GALNT3: variants seen among roughly 807,000 people sequenced by gnomAD.
GALNT3 encodes polypeptide N-acetylgalactosaminyltransferase 3.
GALNT3 carries 51 observed loss-of-function variants against 69.8 expected under a neutral mutation model. The observed-to-expected ratio is 0.73, with a 90% confidence interval of 0.58 to 0.92. The LOEUF is 0.92. GALNT3 is among the 40% of genes least tolerant of loss of function. GALNT3 has a pLI of 0.00. For synonymous variants in GALNT3, 265 were observed against 248.5 expected (o/e 1.07, Z -0.63); for missense variants, 711 against 760.0 (o/e 0.94, Z 0.76).
At chr2:165,762,616 C>T (rs114046620) in intron 3 of GALNT3, among the ~76,000 whole-genome samples, 243 of 152,212 alleles carry the variant, frequency 1.6e-3, no homozygotes, top group African/African-American at 5.5e-3. Flanking sequence ...GAAAAATTTG[C>T]GAAAGCTTTG....
At chr2:165,772,013 T>C (rs1428213122) in intron 1 of GALNT3, among the ~76,000 whole-genome samples, 1 of 152,162 alleles carries the variant, frequency 6.6e-6, no homozygotes, top group Non-Finnish European at 1.5e-5. Flanking sequence ...AATTCTGACA[T>C]ATATTGCTCA....
intron 3 of GALNT3, among the ~76,000 whole-genome samples, chr2:165,762,429 G>T (rs539555523): frequency 1.7e-4 from 26 of 152,258 alleles, no homozygotes; most frequent in Non-Finnish European, 3.7e-4. Context: ...TGGCCAAAAA[G>T]ATATTCAATG....
chr2:165,767,458 A>G (rs1688663816), intron 2 of GALNT3, among the ~76,000 whole-genome samples: 1 of 152,208 alleles, frequency 6.6e-6, no homozygotes, highest in African/African-American at 2.4e-5. Flanking sequence ...GTAAAATGTT[A>G]TCACTTTAAT....
At chr2:165,769,178 G>A (rs1688702457) in intron 2 of GALNT3, among the ~76,000 whole-genome samples, 6 of 146,748 alleles carry the variant, frequency 4.1e-5, no homozygotes, top group Admixed American at 3.4e-4. Context: ...GGCTGAGGTG[G>A]GCGGATCACT....
At chr2:165,778,295 A>G (rs1434148400) in intron 1 of GALNT3, among the ~76,000 whole-genome samples, 1 of 152,194 alleles carries the variant, frequency 6.6e-6, no homozygotes, top group East Asian at 1.9e-4. Context: ...GGATCCAGAG[A>G]TTATTCATGT....
At chr2:165,784,302 G>C (rs1683175785) in intron 1 of GALNT3, among the ~76,000 whole-genome samples, 1 of 152,210 alleles carries the variant, frequency 6.6e-6, no homozygotes. Flanking sequence ...GAGAACGGAA[G>C]TTTAGAATGA....
intron 1 of GALNT3, among the ~76,000 whole-genome samples, chr2:165,773,250 C>T (rs990335026): frequency 6.6e-6 from 1 of 152,138 alleles, no homozygotes; most frequent in African/African-American, 2.4e-5. Flanking sequence ...TTTTCATGGT[C>T]ATGGATAAGT....
chr2:165,769,407 AAATAATAATAATAATAAT>A (rs35161167), intron 2 of GALNT3, among the ~76,000 whole-genome samples: 7 of 131,394 alleles, frequency 5.3e-5, no homozygotes, highest in Non-Finnish European at 7.9e-5. Context: ...CTCCATCTCA[AAATAATAATAATAATAAT>A]AATAATAATA....
intron 1 of GALNT3, among the ~76,000 whole-genome samples, chr2:165,790,982 C>T (rs1216904857): frequency 6.6e-6 from 1 of 152,016 alleles, no homozygotes; most frequent in Non-Finnish European, 1.5e-5. Context: ...GAAGGTTTCT[C>T]CCTCAAAATT....
intron 1 of GALNT3, among the ~76,000 whole-genome samples, chr2:165,790,221 C>T (rs529729918): frequency 3.9e-4 from 60 of 152,182 alleles, no homozygotes; most frequent in African/African-American, 1.4e-3. Context: ...CTCTTTAGTG[C>T]CAAAAATAAG....
intron 5 of GALNT3, among the ~76,000 whole-genome samples, chr2:165,759,078 C>T (rs993763538): frequency 6.6e-6 from 1 of 152,138 alleles, no homozygotes. Flanking sequence ...ACTTAAATGT[C>T]TTCTCCTAAC....
chr2:165,766,304 G>A (rs1688641626), intron 2 of GALNT3, among the ~76,000 whole-genome samples: 1 of 152,216 alleles, frequency 6.6e-6, no homozygotes, highest in Admixed American at 6.5e-5. Context: ...ATTGGGCACA[G>A]GGAGAGAGAC....
At chr2:165,791,453 A>G (rs1353534247) in intron 1 of GALNT3, among the ~76,000 whole-genome samples, 1 of 152,198 alleles carries the variant, frequency 6.6e-6, no homozygotes, top group Non-Finnish European at 1.5e-5. Context: ...AATAAAGAAC[A>G]TACATGTTGT....
rs773370796 is a variant in GALNT3 at position 165,761,999 on chromosome 2, T to A, written c.744A>T (p.Ile248=). 6.2e-7 allele frequency: 1 copy of A among 1,604,068 alleles called. No homozygotes were observed. Among genetic ancestry groups the A allele is most frequent in the Non-Finnish European group, 8.5e-7 (1 of 1,170,952 alleles). ...EYVKQFSIVK[I]VRQRERKGLI... ...GACCTTTTCTTTCTCTTTGTCTGAC[T>A]ATTTTTACTATAGAAAATTGTTTTA... Residue 248 remains isoleucine (I), a synonymous_variant, in exon 4 of 11, where the codon ATA becomes ATT. Coordinates refer to ENST00000392701, the MANE Select transcript of GALNT3 (RefSeq NM_004482.4).
At chr2:165,771,034 T>C (rs897592807) in intron 1 of GALNT3, among the ~76,000 whole-genome samples, 2 of 152,108 alleles carry the variant, frequency 1.3e-5, no homozygotes, top group Admixed American at 6.5e-5. Flanking sequence ...TTCCTCTCCA[T>C]TAAAAAATAC....
At chr2:165,782,389 T>G (rs1427634109) in intron 1 of GALNT3, among the ~76,000 whole-genome samples, 1 of 9,684 alleles carries the variant, frequency 1.0e-4, no homozygotes, top group Admixed American at 2.0e-3. Context: ...AAAAAAAGAA[T>G]TACAAAAAAA....
intron 3 of GALNT3, among the ~76,000 whole-genome samples, chr2:165,764,552 A>T (rs554168345): frequency 3.0e-4 from 45 of 152,320 alleles, no homozygotes; most frequent in African/African-American, 9.9e-4. Context: ...AACTTGCCCA[A>T]GTCATATAGT....
chr2:165,771,922 G>A (rs1688760205), intron 1 of GALNT3, among the ~76,000 whole-genome samples: 1 of 152,146 alleles, frequency 6.6e-6, no homozygotes, highest in Non-Finnish European at 1.5e-5. Flanking sequence ...GCAGAACTTA[G>A]TTCTATATAC....
At chr2:165,768,144 T>C (rs532339011) in intron 2 of GALNT3, among the ~76,000 whole-genome samples, 1 of 152,254 alleles carries the variant, frequency 6.6e-6, no homozygotes, top group South Asian at 2.1e-4. Context: ...GGCGGGCAGA[T>C]CACGAAGTCA....
Sources: allele counts gnomAD v4.1 joint callset (sites outside exome capture counted in the v4.1 genomes callset), GRCh38; gene constraint gnomAD v4.1.1; transcripts MANE v1.5; gene names NCBI Gene and HGNC (gene_info 2026-07-23, HGNC 2026-07-21).